ZNF804A: variants seen among roughly 807,000 people sequenced by gnomAD.
The protein encoded by ZNF804A is zinc finger protein 804A.
A neutral mutation model predicts 16.5 loss-of-function variants in ZNF804A; 2 were observed. The observed-to-expected ratio is 0.12, with a 90% CI of 0.05 to 0.38. The LOEUF is 0.38. Ranked by LOEUF, ZNF804A falls within the 10% of genes least tolerant of loss-of-function variation. The pLI is 0.99. For missense variants in ZNF804A, 1,473 were observed against 1,390.7 expected, an observed-to-expected ratio of 1.06 and a Z score of -0.94; for synonymous variants, 534 against 489.6, an observed-to-expected ratio of 1.09 and a Z score of -1.20.
chr2:184,857,401 G>A (rs1010790671), intron 1 of ZNF804A, among the ~76,000 whole-genome samples: 1 of 151,830 alleles, frequency 6.6e-6, no homozygotes, highest in Non-Finnish European at 1.5e-5. Context: ...CTAACATATA[G>A]GCTATCCAGG....
chr2:184,671,044 G>A (rs925022668), intron 1 of ZNF804A, among the ~76,000 whole-genome samples: 4 of 152,098 alleles, frequency 2.6e-5, no homozygotes, highest in Non-Finnish European at 5.9e-5. Flanking sequence ...ATTTGTTCAG[G>A]TAGTAATTAT....
intron 1 of ZNF804A, among the ~76,000 whole-genome samples, chr2:184,829,030 T>C (rs1002721527): frequency 1.3e-5 from 2 of 151,782 alleles, no homozygotes; most frequent in African/African-American, 4.8e-5. Flanking sequence ...AAGGAGATAA[T>C]TGAATACAAA....
intron 1 of ZNF804A, among the ~76,000 whole-genome samples, chr2:184,834,895 A>T (rs1226130776): frequency 6.6e-6 from 1 of 152,162 alleles, no homozygotes; most frequent in African/African-American, 2.4e-5. Context: ...CAGGGATTTC[A>T]TGTAAATTGA....
At chr2:184,614,432 A>G (rs1691287838) in intron 1 of ZNF804A, among the ~76,000 whole-genome samples, 1 of 152,222 alleles carries the variant, frequency 6.6e-6, no homozygotes, top group South Asian at 2.1e-4. Flanking sequence ...AAAATTGACA[A>G]ATAAGATCTA....
chr2:184,644,954 C>G (rs1691849256), intron 1 of ZNF804A, among the ~76,000 whole-genome samples: 1 of 151,910 alleles, frequency 6.6e-6, no homozygotes. Context: ...ATTTAGAAGG[C>G]TAATAGTAAG....
intron 1 of ZNF804A, among the ~76,000 whole-genome samples, chr2:184,622,988 T>C (rs17508623): frequency 0.11 from 16,628 of 152,062 alleles, 1,178 homozygotes; most frequent in Non-Finnish European, 0.16. Context: ...TGAGAAGCTA[T>C]ATGCTATTAG....
At position 184,659,187 on chromosome 2, in the gene ZNF804A, A is replaced by G. The variant is rs181016075; in HGVS notation, c.111+60117A>G. Among the ~76,000 whole-genome samples the G allele has an allele frequency of 2.0e-3, 304 of 152,300 alleles. 2 individuals are homozygous for G. The highest frequency in any genetic ancestry group is 6.7e-3 in the Admixed American group (102 of 15,300). On this transcript the variant is annotated intron_variant, in intron 1 of 3. Transcript: ENST00000302277. ...AAACAGGCAAAAAATAAGGAAATTG[A>G]CAGTCACTGACCAAGTCCTGACCAC... is the stretch of plus-strand genomic sequence containing the variant.
chr2:184,803,411 T>C (rs942324858), intron 1 of ZNF804A, among the ~76,000 whole-genome samples: 2 of 152,176 alleles, frequency 1.3e-5, no homozygotes, highest in African/African-American at 4.8e-5. Flanking sequence ...TATTTTTTTC[T>C]AACTTTTTTT....
intron 2 of ZNF804A, among the ~76,000 whole-genome samples, chr2:184,904,279 TA>T (rs1446860273): frequency 6.6e-6 from 1 of 152,040 alleles, no homozygotes; most frequent in Non-Finnish European, 1.5e-5. Flanking sequence ...TTATTACAAT[TA>T]AAAAATTTTT....
At chr2:184,749,914 G>A (rs1020100422) in intron 1 of ZNF804A, among the ~76,000 whole-genome samples, 13 of 151,226 alleles carry the variant, frequency 8.6e-5, no homozygotes, top group African/African-American at 2.9e-4. Flanking sequence ...TCCTGCAAAA[G>A]TATAAAGATA....
At chr2:184,665,572 A>G (rs1692243036) in intron 1 of ZNF804A, among the ~76,000 whole-genome samples, 2 of 152,194 alleles carry the variant, frequency 1.3e-5, no homozygotes, top group Admixed American at 1.3e-4. Flanking sequence ...GAAATCTGGC[A>G]CAGAATAAGT....
At chr2:184,909,173 C>T (rs142707586) in intron 2 of ZNF804A, among the ~76,000 whole-genome samples, 1 of 152,192 alleles carries the variant, frequency 6.6e-6, no homozygotes, top group East Asian at 1.9e-4. Context: ...CTGTTTTCAA[C>T]AGACAGCAAC....
intron 1 of ZNF804A, among the ~76,000 whole-genome samples, chr2:184,816,478 T>A (rs979885619): frequency 5.9e-5 from 9 of 152,036 alleles, no homozygotes; most frequent in African/African-American, 2.2e-4. Flanking sequence ...ATTGTGAAAG[T>A]TCTAACTCTT....
intron 1 of ZNF804A, among the ~76,000 whole-genome samples, chr2:184,857,457 T>C (rs1695706001): frequency 6.6e-6 from 1 of 152,152 alleles, no homozygotes; most frequent in Non-Finnish European, 1.5e-5. Flanking sequence ...CCTGTTACTG[T>C]GGAATATAAT....
At chr2:184,840,873 T>A (rs536010214) in intron 1 of ZNF804A, among the ~76,000 whole-genome samples, 2 of 152,290 alleles carry the variant, frequency 1.3e-5, no homozygotes, top group South Asian at 4.1e-4. Flanking sequence ...AGACCCTAGG[T>A]ATCGACTTTT....
chr2:184,781,537 C>T (rs1410183905), intron 1 of ZNF804A, among the ~76,000 whole-genome samples: 1 of 151,632 alleles, frequency 6.6e-6, no homozygotes, highest in African/African-American at 2.4e-5. Flanking sequence ...TATGAAAAAA[C>T]TTTGAAATAT....
At chr2:184,865,401 T>TC (rs1695864744) in intron 1 of ZNF804A, among the ~76,000 whole-genome samples, 1 of 151,968 alleles carries the variant, frequency 6.6e-6, no homozygotes, top group African/African-American at 2.4e-5. Flanking sequence ...CTGCATCTGG[T>TC]GAGGGGCTCA....
chr2:184,690,230 A>C (rs1159653812), intron 1 of ZNF804A, among the ~76,000 whole-genome samples: 1 of 151,862 alleles, frequency 6.6e-6, no homozygotes, highest in Admixed American at 6.6e-5. Flanking sequence ...TGTTAAAGCT[A>C]TCATAAATAT....
In ZNF804A at chr2:184,938,613, G is replaced by T. The variant is rs991945944; in HGVS notation, c.3217G>T (p.Ala1073Ser). 4.3e-6 allele frequency: 7 copies of T among 1,613,832 alleles called. No homozygotes were observed. Among genetic ancestry groups the T allele is most frequent in the African/African-American group, 1.3e-5 (1 of 74,870 alleles). ...GGTTAAATTTACCTTTCCTCCAGCT[G>T]CCCTCCCACCCCCTAGCACACCTCT... is the stretch of plus-strand genomic sequence containing the variant. ...NKVKFTFPPA[A>S]LPPPSTPLQP... The change falls in exon 4 of 4, where the codon GCC becomes TCC. Residue 1073 changes from alanine (A) to serine (S), a missense_variant. Physicochemically the swap from Ala to Ser is moderately conservative, Grantham distance 99. Transcript: ENST00000302277.
Sources: allele counts gnomAD v4.1 joint callset (sites outside exome capture counted in the v4.1 genomes callset), GRCh38; gene constraint gnomAD v4.1.1; transcripts MANE v1.5; gene names NCBI Gene and HGNC (gene_info 2026-07-23, HGNC 2026-07-21).